The following WDFY4 variants were observed in gnomAD, a reference collection of about 807,000 sequenced individuals.
WDFY4 encodes the protein WDFY family member 4, also known as WD repeat- and FYVE domain-containing protein 4.
A neutral mutation model predicts 351.9 loss-of-function variants in WDFY4; 169 were observed. The observed-to-expected ratio is 0.48, with a 90% CI of 0.42 to 0.55. The LOEUF is 0.55. WDFY4 is among the 20% of genes least tolerant of loss of function. The probability of loss-of-function intolerance (pLI) is 0.00; values close to 1 mark genes in which losing one functional copy is unlikely to be tolerated. For synonymous variants in WDFY4, 1,622 were observed against 1,574.6 expected, an observed-to-expected ratio of 1.03 and a Z score of -0.71; for missense variants, 3,803 against 3,935.6, an observed-to-expected ratio of 0.97 and a Z score of 0.90.
chr10:48,842,323 A>G (rs988971731), intron 39 of WDFY4, among the ~76,000 whole-genome samples: 1 of 151,910 alleles, frequency 6.6e-6, no homozygotes, highest in Non-Finnish European at 1.5e-5. Context: ...TCATCATTGC[A>G]CAGCAGCTGG....
chr10:48,729,387 C>A, intron 7 of WDFY4, 45 bp from the exon 8 acceptor site: 1 of 1,545,576 alleles, frequency 6.5e-7, no homozygotes, highest in African/African-American at 1.4e-5. Flanking sequence ...CATGTGGCTG[C>A]TCCATCTAGG....
At chr10:48,978,431 GC>G in intron 60 of WDFY4, 38 bp downstream of exon 60, 1 of 1,521,850 alleles carries the variant, frequency 6.6e-7, no homozygotes, top group South Asian at 1.2e-5. Flanking sequence ...TCCTGGCCTT[GC>G]CCTGCCCTCC....
intron 47 of WDFY4, among the ~76,000 whole-genome samples, chr10:48,908,656 A>G (rs528498619): frequency 1.9e-4 from 29 of 152,036 alleles, no homozygotes; most frequent in Non-Finnish European, 2.1e-4. Context: ...ATTTCAAAAT[A>G]TTGATTCACA....
intron 46 of WDFY4, among the ~76,000 whole-genome samples, chr10:48,900,568 GA>G (rs1176803817): frequency 2.0e-5 from 3 of 152,330 alleles, no homozygotes; most frequent in African/African-American, 7.2e-5. Flanking sequence ...AACAGGAAGT[GA>G]GAAAAAAATT....
rs1435612289 is a variant in WDFY4 at position 48,741,347 on chromosome 10, G to C, written c.1879-1621G>C. Among the ~76,000 whole-genome samples, 5 of 150,710 alleles carry C rather than the reference G, an allele frequency of 3.3e-5. No individual in the cohort carries two copies. The Admixed American group carries it at 3.3e-4, about 10-fold the overall frequency. On this transcript the variant is annotated intron_variant, in intron 11 of 61. Transcript: ENST00000325239. ...TTTAAGAGATGGAGCTGGATACTCA[G>C]GAAGCTGAGGCAGGAGAATCACTTG...
At chr10:48,838,285 A>G (rs1479429827) in intron 39 of WDFY4, among the ~76,000 whole-genome samples, 4 of 152,088 alleles carry the variant, frequency 2.6e-5, no homozygotes, top group African/African-American at 9.7e-5. Flanking sequence ...CTCCAATGAA[A>G]CCAGCAGTGC....
intron 33 of WDFY4, among the ~76,000 whole-genome samples, chr10:48,820,793 C>T (rs2067797068): frequency 6.6e-6 from 1 of 152,088 alleles, no homozygotes; most frequent in Non-Finnish European, 1.5e-5. Flanking sequence ...TCTCTGCCTC[C>T]CAGGGCCGGC....
chr10:48,763,254 T>C (rs1467506655), intron 13 of WDFY4, among the ~76,000 whole-genome samples: 3 of 152,206 alleles, frequency 2.0e-5, no homozygotes, highest in Admixed American at 6.5e-5. Context: ...TCAGGAAAGT[T>C]GTTTGGCTTT....
intron 51 of WDFY4, among the ~76,000 whole-genome samples, chr10:48,953,333 T>TCTCTCTCACACA (rs771339557): frequency 0.031 from 4,001 of 127,996 alleles, 75 homozygotes; most frequent in Non-Finnish European, 0.039. Context: ...TCTCTCTCTC[T>TCTCTCTCACACA]CACACACACA....
intron 39 of WDFY4, among the ~76,000 whole-genome samples, chr10:48,857,196 T>TA (rs2069163772): frequency 6.7e-6 from 1 of 148,322 alleles, no homozygotes; most frequent in Non-Finnish European, 1.5e-5. Flanking sequence ...AACCATCACA[T>TA]TTTTTTTTTG....
chr10:48,952,278 G>T (rs1424198852), intron 51 of WDFY4, among the ~76,000 whole-genome samples: 7 of 152,152 alleles, frequency 4.6e-5, no homozygotes, highest in Admixed American at 3.3e-4. Context: ...CCACCTCCTG[G>T]TACCCTAAGG....
chr10:48,883,335 G>A (rs940177264), intron 43 of WDFY4, among the ~76,000 whole-genome samples: 2 of 152,214 alleles, frequency 1.3e-5, no homozygotes, highest in South Asian at 2.1e-4. Flanking sequence ...GAGGATGGGT[G>A]CATTGATTGT....
chr10:48,858,895 T>G (rs966735455), intron 39 of WDFY4, among the ~76,000 whole-genome samples: 5 of 152,228 alleles, frequency 3.3e-5, no homozygotes, highest in Non-Finnish European at 5.9e-5. Context: ...CATTTCATAG[T>G]TTTCAACATA....
chr10:48,789,544 C>T lies in WDFY4; in HGVS notation c.3955-330C>T, dbSNP rs577499696. On this transcript the variant is annotated intron_variant, in intron 21 of 61. Coordinates refer to ENST00000325239, the MANE Select transcript of WDFY4 (RefSeq NM_001394531.1). ...AGTCTGAGAAGGTGGCAGCCCTCAC[C>T]TTGGTAGCGCTGTTCCACCTGAAAG... Among the ~76,000 whole-genome samples the T allele has an allele frequency of 7.2e-4, 109 of 152,324 alleles. 1 individual carries two copies. The highest frequency in any genetic ancestry group is 1.2e-3 in the South Asian group (6 of 4,830).
chr10:48,714,990 A>G (rs2063862114), intron 2 of WDFY4, among the ~76,000 whole-genome samples: 1 of 152,272 alleles, frequency 6.6e-6, no homozygotes, highest in African/African-American at 2.4e-5. Context: ...ATAGGCCTCA[A>G]GAGGCTCACA....
intron 39 of WDFY4, among the ~76,000 whole-genome samples, chr10:48,847,630 C>A (rs998766001): frequency 6.6e-6 from 1 of 152,128 alleles, no homozygotes; most frequent in South Asian, 2.1e-4. Context: ...GGAAGGCCAG[C>A]GTGGCGACAC....
chr10:48,913,554 A>C (rs1193227802), intron 47 of WDFY4: 1 of 1,613,614 alleles, frequency 6.2e-7, no homozygotes, highest in African/African-American at 1.3e-5. Context: ...CTTCTCCTCC[A>C]CAACATACAA....
intron 23 of WDFY4, among the ~76,000 whole-genome samples, 180 bp downstream of exon 23, chr10:48,791,097 G>A (rs2066662779): frequency 6.6e-6 from 1 of 152,256 alleles, no homozygotes; most frequent in African/African-American, 2.4e-5. Flanking sequence ...GCAGGCGACA[G>A]CCAGCCCAAG....
At chr10:48,885,705 AAGG>A (rs2070425104) in intron 43 of WDFY4, among the ~76,000 whole-genome samples, 1 of 151,820 alleles carries the variant, frequency 6.6e-6, no homozygotes, top group Non-Finnish European at 1.5e-5. Flanking sequence ...ATAAAACAAT[AAGG>A]AGATGTTCTC....
Sources: allele counts gnomAD v4.1 joint callset (sites outside exome capture counted in the v4.1 genomes callset), GRCh38; gene constraint gnomAD v4.1.1; transcripts MANE v1.5; gene names NCBI Gene and HGNC (gene_info 2026-07-23, HGNC 2026-07-21).